CDC37L1: variants seen among roughly 807,000 people sequenced by gnomAD.
The protein encoded by CDC37L1 is cell division cycle 37 like 1, HSP90 cochaperone.
Under a neutral mutation model 45.9 loss-of-function variants are expected in CDC37L1, and 32 were observed. That is an observed-to-expected ratio of 0.70 (90% CI 0.53 to 0.94). CDC37L1 has a LOEUF of 0.94. Among genes scored for constraint, CDC37L1 ranks in the 40% least tolerant of loss-of-function variants. The pLI, the probability that CDC37L1 is intolerant of heterozygous loss-of-function variation, is 0.00. For missense variants in CDC37L1, 434 were observed against 405.7 expected, an observed-to-expected ratio of 1.07 and a Z score of -0.60; for synonymous variants, 150 against 133.0, an observed-to-expected ratio of 1.13 and a Z score of -0.88.
rs1430122292 is a variant in CDC37L1, at chr9:4,702,012, T to C, written c.896T>C (p.Leu299Ser). The C allele has an allele frequency of 2.8e-6, 4 of 1,449,914 alleles. No individual in the cohort carries two copies. Among genetic ancestry groups the C allele is most frequent in the Non-Finnish European group, 3.7e-6 (4 of 1,094,716 alleles). 89.8% of individuals were successfully genotyped at this position (1,449,914 alleles called of 1,614,324 possible). Reference protein sequence around the residue: ...PHSGVGSIGLLESLPQNPDYL... With the variant: ...PHSGVGSIGLSESLPQNPDYL... Reference sequence around the variant, plus strand: ...TCTGGTGTTGGATCTATAGGTTTATTAGAATCCTTACCACAGGTAAGTTGG... The same window carrying C: ...TCTGGTGTTGGATCTATAGGTTTATCAGAATCCTTACCACAGGTAAGTTGG... Residue 299 changes from leucine to serine, a missense_variant, in exon 6 of 7, where the codon TTA becomes TCA. Leu to Ser is a moderately radical substitution (Grantham distance 145, BLOSUM62 -2). Coordinates refer to ENST00000381854, the MANE Select transcript of CDC37L1 (RefSeq NM_017913.4).
chr9:4,680,158 C>T (rs748711357), intron 1 of CDC37L1, among the ~76,000 whole-genome samples: 52 of 152,210 alleles, frequency 3.4e-4, no homozygotes, highest in Non-Finnish European at 6.2e-4. Context: ...CCTGTTCACT[C>T]TTGGAATACC....
intron 3 of CDC37L1, among the ~76,000 whole-genome samples, chr9:4,693,293 A>T (rs959574790): frequency 6.6e-6 from 1 of 151,186 alleles, no homozygotes; most frequent in African/African-American, 2.4e-5. Flanking sequence ...AAAAAAAAAA[A>T]TTCGTCAGGT....
chr9:4,686,625 C>T (rs1372604648), intron 2 of CDC37L1, among the ~76,000 whole-genome samples: 1 of 152,126 alleles, frequency 6.6e-6, no homozygotes, highest in East Asian at 1.9e-4. Flanking sequence ...TTAATTATTT[C>T]TTTAAACTTA....
At chr9:4,690,393 C>G (rs1841289386) in intron 3 of CDC37L1, among the ~76,000 whole-genome samples, 1 of 152,142 alleles carries the variant, frequency 6.6e-6, no homozygotes, top group African/African-American at 2.4e-5. Flanking sequence ...TGGCTGATCT[C>G]TGCAGTGCAT....
intron 1 of CDC37L1, 139 bp from the exon 2 acceptor site, chr9:4,684,738 C>T: frequency 3.4e-6 from 2 of 585,100 alleles, no homozygotes; most frequent in South Asian, 4.7e-5. Context: ...GATATAAAAA[C>T]ATGACTGCAG....
At position 4,679,638 on chromosome 9, in the gene CDC37L1, G is replaced by T; in HGVS notation, c.-130G>T. The T allele has an allele frequency of 1.2e-6, 1 of 801,822 alleles. No homozygotes were observed. The highest frequency in any genetic ancestry group is 1.9e-6 in the Non-Finnish European group (1 of 528,956). 49.7% of individuals were successfully genotyped at this position (801,822 alleles called of 1,614,324 possible). A position where few individuals can be genotyped will look rare whatever the true frequency, so the allele number is the denominator to read the frequency against. On this transcript the variant is annotated 5_prime_UTR_variant, in exon 1 of 7. Coordinates refer to ENST00000381854, the MANE Select transcript of CDC37L1 (RefSeq NM_017913.4). ...TGCAGCGGCGTCGCGGCCAGTAGAG[G>T]GATTCTGGGTAACGGCCCGGACCCC...
intron 5 of CDC37L1, 98 bp downstream of exon 5, chr9:4,697,977 C>A: frequency 9.3e-7 from 1 of 1,080,838 alleles, no homozygotes; most frequent in Non-Finnish European, 1.4e-6. Flanking sequence ...AGCAGGATGC[C>A]ACAGGCTAAA....
chr9:4,696,471 C>G (rs1445194299), intron 3 of CDC37L1, among the ~76,000 whole-genome samples: 1 of 145,948 alleles, frequency 6.9e-6, no homozygotes, highest in Non-Finnish European at 1.5e-5. Context: ...TAATAAGCCT[C>G]TCATCTTTAT....
chr9:4,679,970 C>T (rs998079803), intron 1 of CDC37L1, 71 bp downstream of exon 1: 6 of 1,572,088 alleles, frequency 3.8e-6, no homozygotes, highest in South Asian at 2.3e-5. Flanking sequence ...TGCCGCGTCT[C>T]CCAGACCCTC....
chr9:4,691,280 A>G (rs1841298460), intron 3 of CDC37L1, among the ~76,000 whole-genome samples: 1 of 152,202 alleles, frequency 6.6e-6, no homozygotes, highest in African/African-American at 2.4e-5. Context: ...TACATCACCC[A>G]GGTATTAAGC....
chr9:4,697,645 T>C (rs1002805218), intron 4 of CDC37L1, 112 bp from the exon 5 acceptor site: 2 of 599,374 alleles, frequency 3.3e-6, no homozygotes, highest in Non-Finnish European at 2.9e-6. Flanking sequence ...GTATTTGACT[T>C]ATAACTTAAG....
chr9:4,679,816 G>A lies in CDC37L1; in HGVS notation c.49G>A (p.Glu17Lys). The change falls in exon 1 of 7, where the codon GAG becomes AAG. Residue 17 changes from glutamate (E) to lysine (K), a missense_variant. Physicochemically the swap from Glu to Lys is moderately conservative, Grantham distance 56. Coordinates refer to ENST00000381854, the MANE Select transcript of CDC37L1 (RefSeq NM_017913.4). ...PPGPWSLPRA[E>K]GEAEEESDFD... ...GGGACCCTGGAGCCTCCCTCGGGCCGAGGGTGAGGCTGAGGAAGAGAGTGA... is the reference window on the plus strand; with the variant it reads ...GGGACCCTGGAGCCTCCCTCGGGCCAAGGGTGAGGCTGAGGAAGAGAGTGA... 6.2e-7 allele frequency: 1 copy of A among 1,613,886 alleles called. No homozygotes were observed. The highest frequency in any genetic ancestry group is 8.5e-7 in the Non-Finnish European group (1 of 1,179,898).
chr9:4,691,339 G>A (rs1029751424), intron 3 of CDC37L1, among the ~76,000 whole-genome samples: 3 of 152,050 alleles, frequency 2.0e-5, no homozygotes, highest in South Asian at 2.1e-4. Flanking sequence ...TCCGCCCTTC[G>A]GTAAACTCCA....
At chr9:4,689,886 A>G (rs574973861) in intron 3 of CDC37L1, among the ~76,000 whole-genome samples, 1 of 152,362 alleles carries the variant, frequency 6.6e-6, no homozygotes, top group East Asian at 1.9e-4. Context: ...CAGAGCATGT[A>G]CTGCATCTGG....
chr9:4,701,449 T>C (rs2130853891), intron 5 of CDC37L1, among the ~76,000 whole-genome samples: 2 of 152,334 alleles, frequency 1.3e-5, no homozygotes, highest in East Asian at 3.9e-4. Flanking sequence ...TCATTAATTG[T>C]TGGAGAATTA....
intron 5 of CDC37L1, among the ~76,000 whole-genome samples, chr9:4,698,797 C>T (rs955321972): frequency 2.0e-5 from 3 of 152,110 alleles, no homozygotes; most frequent in Admixed American, 6.6e-5. Flanking sequence ...TTTTCATTTT[C>T]ATTCCTCAGT....
intron 6 of CDC37L1, among the ~76,000 whole-genome samples, chr9:4,704,655 G>C (rs1037961572): frequency 3.9e-5 from 6 of 152,094 alleles, no homozygotes; most frequent in Non-Finnish European, 5.9e-5. Flanking sequence ...TGTTTTTTTG[G>C]AGAATGAGAC....
chr9:4,688,993 C>G (rs1841276654), intron 3 of CDC37L1, among the ~76,000 whole-genome samples: 1 of 151,708 alleles, frequency 6.6e-6, no homozygotes, highest in Non-Finnish European at 1.5e-5. Context: ...GGATATGATG[C>G]TTTATAATTC....
chr9:4,684,844 T>G (rs748038427), intron 1 of CDC37L1, 33 bp from the exon 2 acceptor site: 1 of 1,541,944 alleles, frequency 6.5e-7, no homozygotes, highest in East Asian at 2.3e-5. Flanking sequence ...TCCATTGCTT[T>G]CTTCATTTCT....
Sources: gnomAD v4.1 joint callset for allele counts (sites outside exome capture counted in the v4.1 genomes callset) on GRCh38, gnomAD v4.1.1 for gene constraint, MANE v1.5 for transcripts, NCBI Gene and HGNC (gene_info 2026-07-23, HGNC 2026-07-21) for gene names.